The following LCLAT1 variants were observed in gnomAD, a reference collection of about 807,000 sequenced individuals.
LCLAT1 encodes the protein lysocardiolipin acyltransferase 1.
Under a neutral mutation model 30.7 loss-of-function variants are expected in LCLAT1, and 11 were observed. The ratio of observed to expected loss-of-function variants is 0.36; its 90% CI spans 0.23 to 0.59. The LOEUF (loss-of-function observed/expected upper bound fraction) is 0.59, where lower values mean the gene tolerates loss of function less well. Ranked by LOEUF, LCLAT1 falls within the 20% of genes least tolerant of loss-of-function variation. The probability of loss-of-function intolerance (pLI) is 0.77; values close to 1 mark genes in which losing one functional copy is unlikely to be tolerated. For synonymous variants in LCLAT1, 155 were observed against 151.3 expected (o/e 1.02, Z -0.18); for missense variants, 402 against 458.6 (o/e 0.88, Z 1.13).
intron 1 of LCLAT1, among the ~76,000 whole-genome samples, chr2:30,454,729 G>C (rs952564914): frequency 2.0e-5 from 3 of 151,992 alleles, no homozygotes; most frequent in Non-Finnish European, 4.4e-5. Context: ...GATTACAGGC[G>C]TGAGCCACTG....
chr2:30,534,721 G>A (rs535111920), intron 3 of LCLAT1, among the ~76,000 whole-genome samples: 1 of 152,254 alleles, frequency 6.6e-6, no homozygotes, highest in Admixed American at 6.5e-5. Flanking sequence ...AAGCTGCAAG[G>A]TATTTTATGA....
chr2:30,496,714 T>C (rs918805841), intron 1 of LCLAT1, among the ~76,000 whole-genome samples: 1 of 152,176 alleles, frequency 6.6e-6, no homozygotes, highest in Non-Finnish European at 1.5e-5. Flanking sequence ...TATAAAGATA[T>C]TATGGTCCTA....
At chr2:30,590,608 A>C (rs1021972146) in intron 5 of LCLAT1, among the ~76,000 whole-genome samples, 1 of 151,030 alleles carries the variant, frequency 6.6e-6, no homozygotes, top group Non-Finnish European at 1.5e-5. Context: ...ATGAAGAAGC[A>C]AATTACATAT....
intron 1 of LCLAT1, among the ~76,000 whole-genome samples, chr2:30,493,511 A>G (rs774846249): frequency 1.2e-4 from 19 of 152,238 alleles, no homozygotes; most frequent in Admixed American, 9.2e-4. Context: ...GTTCTAGATC[A>G]TGCTGTTAAA....
chr2:30,529,038 T>C (rs1219469740), intron 2 of LCLAT1, among the ~76,000 whole-genome samples: 2 of 152,194 alleles, frequency 1.3e-5, no homozygotes, highest in African/African-American at 4.8e-5. Flanking sequence ...AAATATATTC[T>C]TTTTAAATTC....
intron 1 of LCLAT1, among the ~76,000 whole-genome samples, chr2:30,497,370 C>CT (rs1415438529): frequency 1.3e-5 from 2 of 152,010 alleles, no homozygotes; most frequent in Non-Finnish European, 2.9e-5. Context: ...CACTGAATTG[C>CT]TTTTTTATCA....
chr2:30,484,239 C>G lies in LCLAT1; in HGVS notation c.-5+36856C>G, dbSNP rs1683458828. 2.0e-5 allele frequency among the ~76,000 whole-genome samples: 3 copies of G among 152,078 alleles called. No individual in the cohort carries two copies. The South Asian group carries it at 6.2e-4, about 31-fold the overall frequency. On this transcript the variant is annotated intron_variant, in intron 1 of 5. Transcript: ENST00000379509. The stretch of plus-strand genomic sequence containing the variant: ...GCTTTCAAAGTTTGGAGATTTGTTA[C>G]CATTCATTGAGGATAATTAATAGAA...
At chr2:30,456,518 G>A (rs1681845331) in intron 1 of LCLAT1, among the ~76,000 whole-genome samples, 1 of 152,090 alleles carries the variant, frequency 6.6e-6, no homozygotes, top group Non-Finnish European at 1.5e-5. Flanking sequence ...GCCTTGTAAG[G>A]GTGGAAACTT....
intron 5 of LCLAT1, among the ~76,000 whole-genome samples, chr2:30,580,986 C>T (rs1285101026): frequency 6.6e-6 from 1 of 152,084 alleles, no homozygotes; most frequent in Non-Finnish European, 1.5e-5. Context: ...GTGAGGGATG[C>T]TTTGCTGGAA....
At chr2:30,541,369 G>C (rs1664126899) in intron 3 of LCLAT1, among the ~76,000 whole-genome samples, 1 of 152,096 alleles carries the variant, frequency 6.6e-6, no homozygotes, top group South Asian at 2.1e-4. Flanking sequence ...TCCAGCCTGG[G>C]TAGCAGAGTG....
intron 1 of LCLAT1, among the ~76,000 whole-genome samples, chr2:30,515,505 TAAAG>T (rs1462875333): frequency 6.6e-6 from 1 of 152,214 alleles, no homozygotes; most frequent in Non-Finnish European, 1.5e-5. Context: ...TATGTTAACT[TAAAG>T]AATAACGTAC....
intron 3 of LCLAT1, among the ~76,000 whole-genome samples, chr2:30,540,757 C>T (rs922784052): frequency 7.2e-5 from 11 of 151,912 alleles, no homozygotes; most frequent in African/African-American, 1.9e-4. Context: ...GTCCGCCTCC[C>T]GGGTTCAAGC....
chr2:30,632,678 C>G (rs1668824183), intron 5 of LCLAT1, among the ~76,000 whole-genome samples: 1 of 152,120 alleles, frequency 6.6e-6, no homozygotes, highest in Admixed American at 6.5e-5. Flanking sequence ...GAGTATGTGC[C>G]CAACACTTCT....
chr2:30,568,996 T>C (rs947137237), intron 5 of LCLAT1, among the ~76,000 whole-genome samples: 3 of 150,976 alleles, frequency 2.0e-5, no homozygotes, highest in African/African-American at 7.3e-5. Flanking sequence ...ATCTGAAAAA[T>C]AATTTTACTT....
chr2:30,451,105 A>G (rs1681525618), intron 1 of LCLAT1, among the ~76,000 whole-genome samples: 2 of 152,244 alleles, frequency 1.3e-5, no homozygotes, highest in Non-Finnish European at 2.9e-5. Flanking sequence ...GCCAGTATGC[A>G]CATAAAAAGG....
chr2:30,521,362 G>A (rs1685457747), intron 1 of LCLAT1, among the ~76,000 whole-genome samples: 1 of 152,040 alleles, frequency 6.6e-6, no homozygotes, highest in African/African-American at 2.4e-5. Context: ...TTGCACCGTG[G>A]ACTCACCCTG....
At chr2:30,559,486 A>G (rs1038535930) in intron 3 of LCLAT1, among the ~76,000 whole-genome samples, 1 of 152,204 alleles carries the variant, frequency 6.6e-6, no homozygotes, top group African/African-American at 2.4e-5. Flanking sequence ...CTATTTTTGC[A>G]GGTGTACTTT....
rs1010506477 is a variant in LCLAT1, at chr2:30,644,006, A to C, written c.*3387A>C. The C allele has an allele frequency of 6.6e-6, 1 of 152,288 alleles. No homozygotes were observed. The highest frequency in any genetic ancestry group is 2.4e-5 in the African/African-American group (1 of 41,460). 9.4% of individuals were successfully genotyped at this position (152,288 alleles called of 1,614,324 possible). ...TGCTACCTGATAAGCTTCAGATTAGATATAGCCCTAAAGTTATCCTGTACC... is the reference window on the plus strand; with the variant it reads ...TGCTACCTGATAAGCTTCAGATTAGCTATAGCCCTAAAGTTATCCTGTACC... On this transcript the variant is annotated 3_prime_UTR_variant, in exon 6 of 6. Coordinates refer to ENST00000379509, the MANE Select transcript of LCLAT1 (RefSeq NM_001002257.3).
At chr2:30,581,134 G>C (rs1411521804) in intron 5 of LCLAT1, among the ~76,000 whole-genome samples, 1 of 152,140 alleles carries the variant, frequency 6.6e-6, no homozygotes, top group Non-Finnish European at 1.5e-5. Flanking sequence ...ACCAAGTTAA[G>C]AGCATTGCTG....
Sources: allele counts gnomAD v4.1 joint callset (sites outside exome capture counted in the v4.1 genomes callset), GRCh38; gene constraint gnomAD v4.1.1; transcripts MANE v1.5; gene names NCBI Gene and HGNC (gene_info 2026-07-23, HGNC 2026-07-21).